The following PIAS4 variants were observed in gnomAD, a reference collection of about 807,000 sequenced individuals.
The protein encoded by PIAS4 is E3 SUMO-protein ligase PIAS4.
Under a neutral mutation model 58.0 loss-of-function variants are expected in PIAS4, and 7 were observed. The ratio of observed to expected loss-of-function variants is 0.12; its 90% CI spans 0.07 to 0.23. PIAS4 has a LOEUF of 0.23. PIAS4 is among the 10% of genes least tolerant of loss of function. The pLI is 1.00. For missense variants in PIAS4, 550 were observed against 709.5 expected, an observed-to-expected ratio of 0.78 and a Z score of 2.55; for synonymous variants, 364 against 312.4, an observed-to-expected ratio of 1.17 and a Z score of -1.74.
chr19:4,024,867 G>A (rs897686658), intron 3 of PIAS4, among the ~76,000 whole-genome samples: 10 of 152,122 alleles, frequency 6.6e-5, no homozygotes, highest in Non-Finnish European at 1.5e-4. Context: ...CTGGATTCAA[G>A]CAATTCTCCT....
chr19:4,024,520 A>C (rs1328951361), intron 3 of PIAS4, among the ~76,000 whole-genome samples: 1 of 152,254 alleles, frequency 6.6e-6, no homozygotes, highest in East Asian at 1.9e-4. Flanking sequence ...CTAGGGCAGG[A>C]TAACCCGGGC....
chr19:4,014,578 C>A (rs1409848828), intron 2 of PIAS4, among the ~76,000 whole-genome samples: 1 of 152,194 alleles, frequency 6.6e-6, no homozygotes. Context: ...CTCTTTCCTT[C>A]GCACAGTAAA....
chr19:4,029,162 G>T, intron 7 of PIAS4, 126 bp downstream of exon 7: 6 of 678,028 alleles, frequency 8.8e-6, no homozygotes, highest in South Asian at 5.4e-5. Flanking sequence ...TCACTCTGGG[G>T]GTCCATGGCC....
intron 1 of PIAS4, among the ~76,000 whole-genome samples, chr19:4,012,368 A>G (rs2040004664): frequency 6.6e-6 from 1 of 152,112 alleles, no homozygotes; most frequent in East Asian, 1.9e-4. Flanking sequence ...TTTAAGGATC[A>G]GAGTTAAATA....
In PIAS4 at chr19:4,008,239, C is replaced by T. The variant is rs1456712988; in HGVS notation, c.27+452C>T. 3.3e-5 allele frequency among the ~76,000 whole-genome samples: 5 copies of T among 152,080 alleles called. 1 individual carries two copies. The East Asian group carries it at 9.7e-4, about 29-fold the overall frequency. The stretch of plus-strand genomic sequence containing the variant: ...CTCCCCGCCCACAGGGCTCCCAGGA[C>T]TGCTATCTGGGTCTCGTCCCCGCCC... On this transcript the variant is annotated intron_variant, in intron 1 of 10. Transcript: ENST00000262971.
At chr19:4,029,980 G>A (rs188094068) in intron 7 of PIAS4, among the ~76,000 whole-genome samples, 8 of 151,846 alleles carry the variant, frequency 5.3e-5, no homozygotes, top group African/African-American at 1.9e-4. Context: ...GTGCCACCAT[G>A]CCCGGCTAAT....
intron 3 of PIAS4, among the ~76,000 whole-genome samples, chr19:4,025,948 C>T (rs2040159151): frequency 6.6e-6 from 1 of 151,194 alleles, no homozygotes; most frequent in South Asian, 2.1e-4. Flanking sequence ...GTGACGGGCG[C>T]CTGTAGTCCC....
At chr19:4,027,976 C>A (rs1384851393) in intron 3 of PIAS4, among the ~76,000 whole-genome samples, 170 bp from the exon 4 acceptor site, 1 of 152,122 alleles carries the variant, frequency 6.6e-6, no homozygotes, top group Non-Finnish European at 1.5e-5. Flanking sequence ...CCTGACCTCA[C>A]AGCCACTCCT....
intron 3 of PIAS4, among the ~76,000 whole-genome samples, chr19:4,025,859 G>A (rs1174000122): frequency 6.6e-6 from 1 of 151,938 alleles, no homozygotes; most frequent in Non-Finnish European, 1.5e-5. Flanking sequence ...GGATCACGAG[G>A]TCAGAAGATC....
chr19:4,018,946 G>T (rs1350453301), intron 2 of PIAS4, among the ~76,000 whole-genome samples: 2 of 152,138 alleles, frequency 1.3e-5, no homozygotes, highest in Non-Finnish European at 2.9e-5. Context: ...TGGTGGCCGT[G>T]TGTGCGCCGG....
chr19:4,033,089 C>T lies in PIAS4; in HGVS notation c.908-11C>T. 3 of 1,610,266 alleles carry T rather than the reference C, an allele frequency of 1.9e-6. No homozygotes were observed. Among genetic ancestry groups the T allele is most frequent in the Non-Finnish European group, 2.5e-6 (3 of 1,178,636 alleles). ...ACCCTCCTGACGGTGTCTTCCGTTC[C>T]CTCCCCACAGTCAAGGAGAAGCTGC... On this transcript the variant is annotated splice_polypyrimidine_tract_variant and intron_variant, in intron 7 of 10. Transcript: ENST00000262971.
intron 9 of PIAS4, among the ~76,000 whole-genome samples, chr19:4,035,825 C>T (rs1446877099): frequency 1.7e-4 from 26 of 149,984 alleles, no homozygotes; most frequent in Middle Eastern, 3.4e-3. Flanking sequence ...ATACAGTCCA[C>T]ACCATCACAC....
chr19:4,014,450 AGCGGAACGTCCTGGGCCTTT>A (rs1319381639), intron 2 of PIAS4, among the ~76,000 whole-genome samples: 29 of 152,264 alleles, frequency 1.9e-4, no homozygotes, highest in Middle Eastern at 3.4e-3. Context: ...CCAGATAGGG[AGCGGAACGTCCTGGGCCTTT>A]GCGGACCTGT....
intron 7 of PIAS4, among the ~76,000 whole-genome samples, chr19:4,030,447 A>G (rs1217535119): frequency 3.9e-5 from 6 of 151,912 alleles, no homozygotes; most frequent in Non-Finnish European, 7.4e-5. Flanking sequence ...GTGAAACCCC[A>G]TCTCTACTAA....
intron 6 of PIAS4, 41 bp downstream of exon 6, chr19:4,028,889 G>A (rs768468615): frequency 3.8e-5 from 34 of 884,726 alleles, no homozygotes; most frequent in East Asian, 1.3e-4. Flanking sequence ...CCCCAACCCC[G>A]GCCCCGTCCT....
intron 2 of PIAS4, among the ~76,000 whole-genome samples, chr19:4,014,676 C>T (rs1163074835): frequency 6.6e-6 from 1 of 152,236 alleles, no homozygotes; most frequent in Non-Finnish European, 1.5e-5. Flanking sequence ...AGGTTCAGAA[C>T]CCTGTGCATG....
chr19:4,021,742 C>CTTTTTTTTTTTTT lies in PIAS4; in HGVS notation c.455-2285_455-2273dup, dbSNP rs776416490. 2.3e-4 allele frequency among the ~76,000 whole-genome samples: 24 copies of CTTTTTTTTTTTTT among 104,064 alleles called. 1 individual carries two copies. The highest frequency in any genetic ancestry group is 3.0e-4 in the Admixed American group (3 of 10,044). 68.3% of individuals were successfully genotyped at this position (104,064 alleles called of 152,430 possible). On this transcript the variant is annotated intron_variant, in intron 2 of 10. Transcript: ENST00000262971. ...CGATATGGACCTGCATTTTCTTTTT[C>CTTTTTTTTTTTTT]TTTTTTTTTTTTTTTTTTTTTGAGA...
Position 4,037,986 on chromosome 19 carries a change from T to C in PIAS4, c.*111T>C. 8.1e-7 allele frequency: 1 copy of C among 1,236,310 alleles called. No homozygotes were observed. 76.6% of individuals were successfully genotyped at this position (1,236,310 alleles called of 1,614,324 possible). A position where few individuals can be genotyped will look rare whatever the true frequency, so the allele number is the denominator to read the frequency against. On this transcript the variant is annotated 3_prime_UTR_variant, in exon 11 of 11. Coordinates refer to ENST00000262971, the MANE Select transcript of PIAS4 (RefSeq NM_015897.4). The surrounding 1 kb of genome is among the most constrained non-coding windows in gnomAD (Gnocchi z 5.8). ...CTTTTTCTTTTTATTGTCGTTCGTT[T>C]TGTTTTTCCACCCTTTTGCCTGGCT...
At chr19:4,015,541 T>C (rs1219818043) in intron 2 of PIAS4, among the ~76,000 whole-genome samples, 2 of 152,178 alleles carry the variant, frequency 1.3e-5, no homozygotes, top group Non-Finnish European at 2.9e-5. Flanking sequence ...TCCGTGCTCT[T>C]GGGGGACTCC....
Sources: gnomAD v4.1 joint callset for allele counts (sites outside exome capture counted in the v4.1 genomes callset) on GRCh38, gnomAD v4.1.1 for gene constraint, Gnocchi (gnomAD v3.1) non-coding constraint, MANE v1.5 for transcripts, NCBI Gene and HGNC (gene_info 2026-07-23, HGNC 2026-07-21) for gene names.